The following ESPL1 variants were observed in gnomAD, a reference collection of about 807,000 sequenced individuals.
ESPL1 encodes extra spindle pole bodies like 1, separase.
A neutral mutation model predicts 217.2 loss-of-function variants in ESPL1; 50 were observed. The ratio of observed to expected loss-of-function variants is 0.23; its 90% confidence interval spans 0.18 to 0.29. The LOEUF (loss-of-function observed/expected upper bound fraction) is 0.29. Ranked by LOEUF, ESPL1 falls within the 10% of genes least tolerant of loss-of-function variation. ESPL1 has a pLI of 1.00. For missense variants in ESPL1, 1,834 were observed against 2,603.0 expected, an observed-to-expected ratio of 0.70 and a Z score of 6.43; for synonymous variants, 994 against 1,081.3, an observed-to-expected ratio of 0.92 and a Z score of 1.58.
At chr12:53,284,234 A>C in intron 17 of ESPL1, 67 bp downstream of exon 17, 1 of 988,796 alleles carries the variant, frequency 1.0e-6, no homozygotes, top group Non-Finnish European at 1.6e-6. Flanking sequence ...ACATCTTTCT[A>C]TGTAAAGGTT....
intron 25 of ESPL1, 91 bp downstream of exon 25, chr12:53,291,087 G>T: frequency 8.9e-7 from 1 of 1,120,172 alleles, no homozygotes; most frequent in South Asian, 1.7e-5. Flanking sequence ...TGGATTGCTT[G>T]AGCTCAGGAG....
intron 26 of ESPL1, 25 bp downstream of exon 26, chr12:53,291,885 G>A: frequency 2.5e-6 from 4 of 1,586,902 alleles, no homozygotes; most frequent in Middle Eastern, 3.4e-4. Flanking sequence ...CAGAGGGGCA[G>A]TGTCTAGTGG....
At position 53,289,573 on chromosome 12, in the gene ESPL1, C is replaced by T. The variant is rs1473544704; in HGVS notation, c.5092C>T (p.Arg1698Cys). The T allele has an allele frequency of 5.0e-6, 8 of 1,613,746 alleles. No homozygotes were observed. Among genetic ancestry groups the T allele is most frequent in the African/African-American group, 1.3e-5 (1 of 74,920 alleles). ...PQPEKESFQE[R>C]LALIPSGVTV... ...GCCTGAAAAGGAGAGTTTCCAGGAG[C>T]GCCTGGCTCTGATCCCCAGTGGTAT... is the stretch of plus-strand genomic sequence containing the variant. Residue 1698 changes from arginine (R) to cysteine (C), a missense_variant, in exon 22 of 31, where the codon CGC becomes TGC. By Grantham distance (180) the Arg-to-Cys change is radical. Transcript: ENST00000257934.
At chr12:53,274,607 G>C (rs1361751641) in intron 6 of ESPL1, 4 of 522,576 alleles carry the variant, frequency 7.7e-6, no homozygotes, top group African/African-American at 2.0e-5. Flanking sequence ...GATGAACATA[G>C]GGGTGGAGTG....
intron 12 of ESPL1, among the ~76,000 whole-genome samples, chr12:53,280,767 G>A (rs1383794631): frequency 2.0e-5 from 3 of 152,044 alleles, no homozygotes; most frequent in East Asian, 3.9e-4. Flanking sequence ...GCTGAGGTGG[G>A]CAGATCACCT....
rs1943953487 is a variant in ESPL1 at position 53,286,652 on chromosome 12, G to A, written c.3916G>A (p.Glu1306Lys). ...PPLIKSVPGS[E>K]PSKTQGQKRS... is the part of the protein sequence containing the mutation. ...ATTAATAAAAAGTGTCCCTGGCTCA[G>A]AGCCCTCTAAGACTCAGGGCCAAAA... Residue 1306 changes from glutamate to lysine, a missense_variant, in exon 18 of 31, where the codon GAG becomes AAG. Transcript: ENST00000257934. This position sits in a 1 kb window ranked among gnomAD's most constrained non-coding sequence, Gnocchi z 5.3. 1.2e-6 allele frequency: 2 copies of A among 1,614,036 alleles called. No homozygotes were observed. The highest frequency in any genetic ancestry group is 1.7e-5 in the Admixed American group (1 of 60,016).
chr12:53,285,104 C>A (rs1474969644), intron 17 of ESPL1, among the ~76,000 whole-genome samples: 5 of 152,026 alleles, frequency 3.3e-5, no homozygotes, highest in Non-Finnish European at 7.4e-5. Flanking sequence ...TGCTCAATAG[C>A]CACATGGCTA....
At chr12:53,280,858 T>A (rs1592487019) in intron 12 of ESPL1, among the ~76,000 whole-genome samples, 1 of 151,772 alleles carries the variant, frequency 6.6e-6, no homozygotes, top group East Asian at 2.0e-4. Flanking sequence ...CCAGGTATGG[T>A]GGCGCATGCC....
chr12:53,287,868 C>A, intron 18 of ESPL1, 104 bp from the exon 19 acceptor site: 2 of 1,140,528 alleles, frequency 1.8e-6, no homozygotes, highest in Non-Finnish European at 2.5e-6. Context: ...TTCCAGGGTC[C>A]TGTGTGATGG....
In ESPL1 at chr12:53,292,156, A is replaced by G; in HGVS notation, c.5796+68A>G. 1 of 1,444,626 alleles carries G rather than the reference A, an allele frequency of 6.9e-7. No individual in the cohort carries two copies. The highest frequency in any genetic ancestry group is 9.7e-7 in the Non-Finnish European group (1 of 1,025,868). 89.5% of individuals were successfully genotyped at this position (1,444,626 alleles called of 1,614,324 possible). On this transcript the variant is annotated intron_variant, in intron 27 of 30. Coordinates refer to ENST00000257934, the MANE Select transcript of ESPL1 (RefSeq NM_012291.5). The surrounding 1 kb of genome is among the most constrained non-coding windows in gnomAD (Gnocchi z 4.5). ...GGAAGACGTCAACAAAGAAGGGCAG[A>G]GAAACCTGAGAAGATAGGAGAGGGT...
rs1210576890 is a variant in ESPL1 at position 53,282,805 on chromosome 12, C to T, written c.2792-324C>T. Among the ~76,000 whole-genome samples the T allele has an allele frequency of 6.6e-6, 1 of 152,238 alleles. No individual in the cohort carries two copies. Among genetic ancestry groups the T allele is most frequent in the African/African-American group, 2.4e-5 (1 of 41,464 alleles). On this transcript the variant is annotated intron_variant, in intron 14 of 30. Coordinates refer to ENST00000257934, the MANE Select transcript of ESPL1 (RefSeq NM_012291.5). This position sits in a 1 kb window ranked among gnomAD's most constrained non-coding sequence, Gnocchi z 4.0. Reference sequence around the variant, plus strand: ...AGTAGCTGGGATTACTGGCATGCGCCACTACGCCCGACTAATTTTTGTATT... The same window carrying T: ...AGTAGCTGGGATTACTGGCATGCGCTACTACGCCCGACTAATTTTTGTATT...
At chr12:53,291,071 G>A in intron 25 of ESPL1, 75 bp downstream of exon 25, 1 of 1,327,774 alleles carries the variant, frequency 7.5e-7, no homozygotes, top group Non-Finnish European at 1.0e-6. Flanking sequence ...GGGAGGCCAA[G>A]GCAGATGGAT....
intron 11 of ESPL1, among the ~76,000 whole-genome samples, chr12:53,279,513 A>G (rs1943825679): frequency 6.6e-6 from 1 of 152,258 alleles, no homozygotes; most frequent in Non-Finnish European, 1.5e-5. Flanking sequence ...AGTGCCTGGC[A>G]CATAGTAAGA....
At position 53,272,839 on chromosome 12, in the gene ESPL1, C is replaced by T. The variant is rs770329761; in HGVS notation, c.1488C>T (p.Pro496=). The change falls in exon 6 of 31, where the codon CCC becomes CCT. Residue 496 remains proline (P), a synonymous_variant. Coordinates refer to ENST00000257934, the MANE Select transcript of ESPL1 (RefSeq NM_012291.5). Reference sequence around the variant, plus strand: ...GTTTGGTGAAGCCAGGCACTTATCCCGAGGTGCCTCCTGAGAAGGTACAAG... The same window carrying T: ...GTTTGGTGAAGCCAGGCACTTATCCTGAGGTGCCTCCTGAGAAGGTACAAG... ...HLGLVKPGTY[P]EVPPEKLHRC... 53 of 1,613,800 alleles carry T rather than the reference C, an allele frequency of 3.3e-5. No homozygotes were observed. In the East Asian group the frequency reaches 9.4e-4, roughly 28 times the overall value.
chr12:53,268,612 G>A (rs1943609614), intron 1 of ESPL1, 143 bp from the exon 2 acceptor site: 2 of 605,798 alleles, frequency 3.3e-6, no homozygotes, highest in Admixed American at 5.7e-5. Flanking sequence ...TTTTATAACG[G>A]GAGCACGGCG....
In ESPL1 at chr12:53,269,029, C is replaced by G. The variant is rs139777651; in HGVS notation, c.87C>G (p.Phe29Leu). The G allele has an allele frequency of 3.1e-6, 5 of 1,609,916 alleles. No individual in the cohort carries two copies. Among genetic ancestry groups the G allele is most frequent in the African/African-American group, 1.3e-5 (1 of 74,962 alleles). Residue 29 changes from phenylalanine (F) to leucine (L), a missense_variant, in exon 3 of 31, where the codon TTC (phenylalanine) becomes TTG (leucine). Phe to Leu is a conservative substitution (Grantham distance 22). This residue lies in a region of ESPL1 where 746 missense variants were observed against 1,077.0 expected (regional missense o/e 0.69). Transcript: ENST00000257934. This position sits in a 1 kb window ranked among gnomAD's most constrained non-coding sequence, Gnocchi z 6.7. ...AEELLPALKEFLSNPPAGFPS... is the reference protein window; with the variant it reads ...AEELLPALKELLSNPPAGFPS... ...ATATCTTTCTCTACTCCTAGGAGTT[C>G]CTGTCCAACCCTCCAGCTGGTTTTC... is the stretch of plus-strand genomic sequence containing the variant.
rs993696729 is a variant in ESPL1 at position 53,288,520 on chromosome 12, G to A, written c.4547-18G>A. 2.5e-6 allele frequency: 4 copies of A among 1,601,106 alleles called. No individual in the cohort carries two copies. In the African/African-American group the frequency reaches 4.0e-5, roughly 16 times the overall value. On this transcript the variant is annotated intron_variant, in intron 19 of 30. Coordinates refer to ENST00000257934, the MANE Select transcript of ESPL1 (RefSeq NM_012291.5). ...CAGGGGGAGGGAGCACTGTGAAAAA[G>A]GCCTGCTCTCTCCCCAGGTGGGAAG... is the stretch of plus-strand genomic sequence containing the variant.
rs969707744 is a variant in ESPL1 at position 53,277,676 on chromosome 12, G to A, written c.2224+68G>A. The stretch of plus-strand genomic sequence containing the variant: ...CCTAAGAGTGGAACAGGGACCCCTG[G>A]TGAGGGAAACCCTGACCTTGTAGGG... On this transcript the variant is annotated intron_variant, in intron 10 of 30. Coordinates refer to ENST00000257934, the MANE Select transcript of ESPL1 (RefSeq NM_012291.5). 5 of 1,591,156 alleles carry A rather than the reference G, an allele frequency of 3.1e-6. No homozygotes were observed. The African/African-American group carries it at 5.4e-5, about 17-fold the overall frequency.
At position 53,293,557 on chromosome 12, in the gene ESPL1, T is replaced by C. The variant is rs1944100611; in HGVS notation, c.*83T>C. On this transcript the variant is annotated 3_prime_UTR_variant, in exon 31 of 31. Transcript: ENST00000257934. The surrounding 1 kb of genome is among the most constrained non-coding windows in gnomAD (Gnocchi z 4.2). The stretch of plus-strand genomic sequence containing the variant: ...TAGATTTAATCCTTAGGATAACTCT[T>C]TTAAAGTGATTTTCCCCAGTGTTTT... 9.8e-7 allele frequency: 1 copy of C among 1,023,014 alleles called. No homozygotes were observed. The highest frequency in any genetic ancestry group is 1.4e-5 in the South Asian group (1 of 73,352). The allele number at this position is 1,023,014 out of a possible 1,614,324, so 63.4% of individuals were successfully genotyped here. A position where few individuals can be genotyped will look rare whatever the true frequency, so the allele number is the denominator to read the frequency against.
Sources: allele counts gnomAD v4.1 joint callset (sites outside exome capture counted in the v4.1 genomes callset), GRCh38; gene constraint gnomAD v4.1.1; regional missense constraint gnomAD v4.1.1; non-coding constraint Gnocchi (gnomAD v3.1); transcripts MANE v1.5; gene names NCBI Gene and HGNC (gene_info 2026-07-23, HGNC 2026-07-21).